The following GRM8 variants were observed in gnomAD, a reference collection of about 807,000 sequenced individuals.
GRM8 encodes metabotropic glutamate receptor 8.
GRM8 carries 47 observed loss-of-function variants against 87.2 expected under a neutral mutation model. The ratio of observed to expected loss-of-function variants is 0.54; its 90% CI spans 0.43 to 0.69. The LOEUF (loss-of-function observed/expected upper bound fraction) is 0.69, where lower values mean the gene tolerates loss of function less well. Among genes scored for constraint, GRM8 ranks in the 30% least tolerant of loss-of-function variants. The pLI, the probability that GRM8 is intolerant of heterozygous loss-of-function variation, is 0.00. For synonymous variants in GRM8, 396 were observed against 404.5 expected (o/e 0.98, Z 0.25); for missense variants, 1,019 against 1,139.2 (o/e 0.89, Z 1.52).
intron 3 of GRM8, among the ~76,000 whole-genome samples, chr7:126,956,854 T>G (rs1808738129): frequency 2.0e-5 from 3 of 152,166 alleles, no homozygotes; most frequent in Admixed American, 2.0e-4. Flanking sequence ...CTTACAAAAT[T>G]TATCTTTTCT....
At chr7:126,881,645 G>A (rs564591115) in intron 6 of GRM8, among the ~76,000 whole-genome samples, 60 of 152,294 alleles carry the variant, frequency 3.9e-4, no homozygotes, top group African/African-American at 1.4e-3. Context: ...TCTGGAGGAT[G>A]GCAATTTCTG....
At chr7:126,611,433 A>T (rs1261423331) in intron 7 of GRM8, among the ~76,000 whole-genome samples, 1 of 152,246 alleles carries the variant, frequency 6.6e-6, no homozygotes, top group Non-Finnish European at 1.5e-5. Context: ...ACACCAACAC[A>T]TAGTAATAGA....
chr7:126,505,212 C>T (rs1229799202), intron 9 of GRM8, among the ~76,000 whole-genome samples: 4 of 152,050 alleles, frequency 2.6e-5, no homozygotes, highest in African/African-American at 9.7e-5. Flanking sequence ...CTTCTTGCAA[C>T]ACCCAAATTT....
chr7:126,829,261 A>G (rs375780461), intron 6 of GRM8, among the ~76,000 whole-genome samples: 6 of 144,132 alleles, frequency 4.2e-5, no homozygotes, highest in Non-Finnish European at 4.5e-5. Context: ...TATCCTTGTT[A>G]ACTTTCTGTC....
At chr7:126,565,523 A>G (rs947610457) in intron 8 of GRM8, among the ~76,000 whole-genome samples, 2 of 152,116 alleles carry the variant, frequency 1.3e-5, no homozygotes, top group Admixed American at 1.3e-4. Context: ...AAATTAAAGA[A>G]TATTGATGAA....
intron 8 of GRM8, among the ~76,000 whole-genome samples, chr7:126,544,596 C>T (rs1193645824): frequency 1.3e-5 from 2 of 152,026 alleles, no homozygotes; most frequent in South Asian, 2.1e-4. Flanking sequence ...CTGCAACCTC[C>T]GCCTCCCGGG....
intron 7 of GRM8, among the ~76,000 whole-genome samples, chr7:126,629,286 T>C (rs6467093): frequency 1.3e-5 from 2 of 152,228 alleles, no homozygotes; most frequent in Non-Finnish European, 2.9e-5. Flanking sequence ...AAACTATAAC[T>C]GTGTGGGATT....
chr7:127,044,746 A>G (rs1277364927), intron 3 of GRM8, among the ~76,000 whole-genome samples: 1 of 152,176 alleles, frequency 6.6e-6, no homozygotes. Flanking sequence ...ACATAACAGC[A>G]ATTATAGCAG....
chr7:126,598,709 G>A (rs940190099), intron 8 of GRM8, among the ~76,000 whole-genome samples: 14 of 151,942 alleles, frequency 9.2e-5, no homozygotes, highest in African/African-American at 2.4e-4. Context: ...CTTAGCTCAC[G>A]GACTACCTCT....
At chr7:126,586,892 C>T (rs1305978215) in intron 8 of GRM8, among the ~76,000 whole-genome samples, 3 of 152,060 alleles carry the variant, frequency 2.0e-5, no homozygotes, top group South Asian at 2.1e-4. Context: ...AGTGAACAGG[C>T]AACCTACAGA....
Position 126,469,285 on chromosome 7 carries a change from T to A in GRM8, c.2431-22913A>T, listed in dbSNP as rs143926569. 2.6e-5 allele frequency among the ~76,000 whole-genome samples: 4 copies of A among 152,294 alleles called. No individual in the cohort carries two copies. The East Asian group carries it at 7.7e-4, about 29-fold the overall frequency. ...CTACAGTAAAATTCAGTGAAACTAT[T>A]ATCTGTATTTGCTGAATCCACTTGC... On this transcript the variant is annotated intron_variant, in intron 9 of 10. Coordinates refer to ENST00000339582, the MANE Select transcript of GRM8 (RefSeq NM_000845.3).
chr7:127,202,786 T>G (rs11563693), intron 2 of GRM8, among the ~76,000 whole-genome samples: 29,452 of 152,112 alleles, frequency 0.19, 3,212 homozygotes, highest in Non-Finnish European at 0.25. Context: ...ATAAGATTGT[T>G]GACCTCTTTA....
chr7:126,951,647 T>C (rs1201648552), intron 3 of GRM8, among the ~76,000 whole-genome samples: 1 of 151,982 alleles, frequency 6.6e-6, no homozygotes, highest in African/African-American at 2.4e-5. Flanking sequence ...AGTAAATATG[T>C]TTCTCGCAGG....
At chr7:126,696,726 T>C (rs1809425106) in intron 7 of GRM8, among the ~76,000 whole-genome samples, 1 of 152,096 alleles carries the variant, frequency 6.6e-6, no homozygotes, top group African/African-American at 2.4e-5. Flanking sequence ...AGAAGATAGA[T>C]GCCAAAACAA....
intron 6 of GRM8, among the ~76,000 whole-genome samples, chr7:126,801,594 C>A (rs921271212): frequency 7.9e-5 from 6 of 75,778 alleles, no homozygotes; most frequent in Admixed American, 5.9e-4. Flanking sequence ...ATTTTCTTTT[C>A]TGTATTATAT....
intron 7 of GRM8, among the ~76,000 whole-genome samples, chr7:126,634,235 T>G (rs1323551460): frequency 6.6e-6 from 1 of 152,160 alleles, no homozygotes; most frequent in Non-Finnish European, 1.5e-5. Flanking sequence ...TAGATGTATC[T>G]GCAAAAATAA....
chr7:126,861,627 T>A (rs564367994), intron 6 of GRM8, among the ~76,000 whole-genome samples: 1 of 152,112 alleles, frequency 6.6e-6, no homozygotes, highest in South Asian at 2.1e-4. Context: ...GATTTTTTTT[T>A]AAACTTGTAT....
chr7:127,083,660 A>G (rs1197594434), intron 3 of GRM8, among the ~76,000 whole-genome samples: 1 of 151,350 alleles, frequency 6.6e-6, no homozygotes, highest in Non-Finnish European at 1.5e-5. Context: ...AACAACAACA[A>G]CAAAATCTGC....
At chr7:127,113,460 A>G (rs1040008155) in intron 2 of GRM8, among the ~76,000 whole-genome samples, 4 of 145,408 alleles carry the variant, frequency 2.8e-5, no homozygotes, top group African/African-American at 7.3e-5. Flanking sequence ...CACCATGAAA[A>G]AGGGTTTTTT....
Sources: gnomAD v4.1 joint callset for allele counts (sites outside exome capture counted in the v4.1 genomes callset) on GRCh38, gnomAD v4.1.1 for gene constraint, MANE v1.5 for transcripts, NCBI Gene and HGNC (gene_info 2026-07-23, HGNC 2026-07-21) for gene names.